Variants in THRAP3 observed in about 807,000 individuals in gnomAD.
The protein encoded by THRAP3 is thyroid hormone receptor-associated protein 3.
Under a neutral mutation model 101.0 loss-of-function variants are expected in THRAP3, and 16 were observed. The ratio of observed to expected loss-of-function variants is 0.16; its 90% CI spans 0.11 to 0.24. The LOEUF is 0.24. Among genes scored for constraint, THRAP3 ranks in the 10% least tolerant of loss-of-function variants. The pLI is 1.00. For synonymous variants in THRAP3, 407 were observed against 422.6 expected (o/e 0.96, Z 0.45); for missense variants, 989 against 1,202.7 (o/e 0.82, Z 2.63).
At chr1:36,288,695 T>C in intron 4 of THRAP3, 1 of 985,490 alleles carries the variant, frequency 1.0e-6, no homozygotes, top group Non-Finnish European at 1.2e-6. Flanking sequence ...AGATTTTAAG[T>C]GACTGAGTGA....
Position 36,243,966 on chromosome 1 carries a change from G to C in THRAP3, c.-134-15416G>C, listed in dbSNP as rs1425826673. 4.1e-5 allele frequency among the ~76,000 whole-genome samples: 5 copies of C among 123,068 alleles called. 1 individual carries two copies. The highest frequency in any genetic ancestry group is 2.6e-4 in the East Asian group (1 of 3,818). The allele number at this position is 123,068 out of a possible 152,430, so 80.7% of individuals were successfully genotyped here. On this transcript the variant is annotated intron_variant, in intron 1 of 11. Coordinates refer to ENST00000354618, the MANE Select transcript of THRAP3 (RefSeq NM_005119.4). ...CTCCCGGATGGGGCGGCTGGCGGGC[G>C]GGGGGCTGAACCCCCCACCTCCCTC...
chr1:36,249,611 A>AT (rs996461087), intron 1 of THRAP3, among the ~76,000 whole-genome samples: 2 of 151,842 alleles, frequency 1.3e-5, no homozygotes, highest in Non-Finnish European at 2.9e-5. Context: ...CTTCTGGAGA[A>AT]TTAGGGGAAG....
intron 5 of THRAP3, among the ~76,000 whole-genome samples, chr1:36,290,846 C>T (rs1645858549): frequency 6.6e-6 from 1 of 152,342 alleles, no homozygotes; most frequent in East Asian, 1.9e-4. Flanking sequence ...CCAAGGCTGA[C>T]TGGTTTTTTA....
intron 1 of THRAP3, among the ~76,000 whole-genome samples, chr1:36,236,882 T>C (rs1645096660): frequency 6.6e-6 from 1 of 152,098 alleles, no homozygotes; most frequent in South Asian, 2.1e-4. Flanking sequence ...GAGTTTCTGT[T>C]CTTTAAAAAC....
intron 1 of THRAP3, among the ~76,000 whole-genome samples, chr1:36,229,386 G>A (rs957360732): frequency 6.7e-6 from 1 of 149,856 alleles, no homozygotes; most frequent in Non-Finnish European, 1.5e-5. Flanking sequence ...GTGAGCCACC[G>A]TGTCTGGTCT....
intron 2 of THRAP3, among the ~76,000 whole-genome samples, chr1:36,260,193 G>A (rs893182564): frequency 6.6e-6 from 1 of 152,158 alleles, no homozygotes; most frequent in African/African-American, 2.4e-5. Flanking sequence ...AGTGAGCCGA[G>A]ATCTTGCCAC....
chr1:36,291,427 G>T lies in THRAP3; in HGVS notation c.1799G>T (p.Ser600Ile). 1 of 1,614,220 alleles carries T rather than the reference G, an allele frequency of 6.2e-7. No homozygotes were observed. The highest frequency in any genetic ancestry group is 8.5e-7 in the Non-Finnish European group (1 of 1,180,048). ...AAGCTTTGCCGAGATCTAGTCCATA[G>T]CAACAAAAAGGAACAGGAGTTTCGT... ...ERKLCRDLVHSNKKEQEFRSI... is the reference protein window; with the variant it reads ...ERKLCRDLVHINKKEQEFRSI... The change falls in exon 6 of 12, where the codon AGC becomes ATC. Residue 600 changes from serine to isoleucine, a missense_variant. Ser to Ile is a moderately radical substitution (Grantham distance 142). Coordinates refer to ENST00000354618, the MANE Select transcript of THRAP3 (RefSeq NM_005119.4).
chr1:36,226,322 C>T (rs1484824873), intron 1 of THRAP3, among the ~76,000 whole-genome samples: 3 of 152,108 alleles, frequency 2.0e-5, no homozygotes, highest in Non-Finnish European at 2.9e-5. Context: ...TGCAGGGGCA[C>T]AATCTCGGCT....
rs541498721 is a variant in THRAP3, at chr1:36,271,878, G to T, written c.-31-10655G>T. Among the ~76,000 whole-genome samples, 188 of 152,028 alleles carry T rather than the reference G, an allele frequency of 1.2e-3. 1 individual carries two copies. Among genetic ancestry groups the T allele is most frequent in the African/African-American group, 4.0e-3 (166 of 41,458 alleles). ...CAAAGTGCTGGGATTACAGGCGTGA[G>T]CCACCGCACCCGGCCTAATTTTTGT... On this transcript the variant is annotated intron_variant, in intron 2 of 11. Coordinates refer to ENST00000354618, the MANE Select transcript of THRAP3 (RefSeq NM_005119.4).
At chr1:36,253,537 A>G (rs1011712773) in intron 1 of THRAP3, among the ~76,000 whole-genome samples, 1 of 152,104 alleles carries the variant, frequency 6.6e-6, no homozygotes, top group Non-Finnish European at 1.5e-5. Flanking sequence ...ATTTATTGTC[A>G]TTAGTATTAT....
intron 1 of THRAP3, among the ~76,000 whole-genome samples, chr1:36,251,854 C>G (rs1045373540): frequency 1.3e-5 from 2 of 152,152 alleles, no homozygotes; most frequent in East Asian, 3.9e-4. Flanking sequence ...TAAGGGACCA[C>G]AGATAGTGAG....
chr1:36,234,614 G>A (rs1040066879), intron 1 of THRAP3, among the ~76,000 whole-genome samples: 1 of 152,106 alleles, frequency 6.6e-6, no homozygotes, highest in African/African-American at 2.4e-5. Flanking sequence ...TCTTGGGTTT[G>A]TTTATTATGA....
In THRAP3 at chr1:36,244,837, C is replaced by G. The variant is rs563170780; in HGVS notation, c.-134-14545C>G. 5.3e-5 allele frequency among the ~76,000 whole-genome samples: 8 copies of G among 152,148 alleles called. No individual in the cohort carries two copies. The South Asian group carries it at 1.7e-3, about 32-fold the overall frequency. ...GGTTCAAGCAATTTTCCTGCCTCAG[C>G]CTCCTGAGTAGCTGGGATTACAGGC... On this transcript the variant is annotated intron_variant, in intron 1 of 11. Coordinates refer to ENST00000354618, the MANE Select transcript of THRAP3 (RefSeq NM_005119.4).
intron 8 of THRAP3, chr1:36,294,325 T>C (rs1391992067): frequency 1.4e-6 from 1 of 706,078 alleles, no homozygotes. Context: ...AAGAGTGAAA[T>C]ATTCATGTCT....
At chr1:36,303,347 C>G (rs1160884885) in intron 11 of THRAP3, among the ~76,000 whole-genome samples, 2 of 151,838 alleles carry the variant, frequency 1.3e-5, no homozygotes, top group African/African-American at 4.8e-5. Context: ...TCAAACCCAC[C>G]CTTTGAGAGA....
chr1:36,212,716 A>G, the THRAP3 span, among the ~76,000 whole-genome samples: 3 of 151,998 alleles, frequency 2.0e-5, no homozygotes, highest in Non-Finnish European at 4.4e-5. Flanking sequence ...CACCACACCC[A>G]GCAGGGACAA....
In THRAP3 at chr1:36,289,320, A is replaced by G. The variant is rs1177185251; in HGVS notation, c.1301A>G (p.Asp434Gly). ...CACAAGGAGGAGATGGATGATCAAGATAAGGACAAAGCTAAGGGAAGAAAG... is the reference window on the plus strand; with the variant it reads ...CACAAGGAGGAGATGGATGATCAAGGTAAGGACAAAGCTAAGGGAAGAAAG... ...DFHKEEMDDQ[D>G]KDKAKGRKES... Residue 434 changes from aspartate (D) to glycine (G), a missense_variant, in exon 5 of 12, where the codon GAT (aspartate) becomes GGT (glycine). Asp to Gly is a moderately conservative substitution (Grantham distance 94). Coordinates refer to ENST00000354618, the MANE Select transcript of THRAP3 (RefSeq NM_005119.4). 2 of 1,614,208 alleles carry G rather than the reference A, an allele frequency of 1.2e-6. No homozygotes were observed. The highest frequency in any genetic ancestry group is 1.7e-6 in the Non-Finnish European group (2 of 1,180,054).
the THRAP3 span, among the ~76,000 whole-genome samples, chr1:36,210,028 A>C: frequency 2.0e-5 from 3 of 152,234 alleles, no homozygotes; most frequent in African/African-American, 7.2e-5. Flanking sequence ...AGTGTGGTCC[A>C]TACACTGGTT....
Position 36,305,116 on chromosome 1 carries a change from G to A in THRAP3, c.*1099G>A, listed in dbSNP as rs1646085183. On this transcript the variant is annotated 3_prime_UTR_variant, in exon 12 of 12. Coordinates refer to ENST00000354618, the MANE Select transcript of THRAP3 (RefSeq NM_005119.4). The stretch of plus-strand genomic sequence containing the variant: ...GGTCCTTGTGCTTGCCTTCTGGGGA[G>A]GCGGTCCTGAGCAGGTGAATCATAA... 4.6e-6 allele frequency: 1 copy of A among 215,254 alleles called. No homozygotes were observed. Among genetic ancestry groups the A allele is most frequent in the Non-Finnish European group, 9.4e-6 (1 of 106,696 alleles). The allele number at this position is 215,254 out of a possible 1,614,324, so 13.3% of individuals were successfully genotyped here. A position where few individuals can be genotyped will look rare whatever the true frequency, so the allele number is the denominator to read the frequency against.
Sources: gnomAD v4.1 joint callset for allele counts (sites outside exome capture counted in the v4.1 genomes callset) on GRCh38, gnomAD v4.1.1 for gene constraint, MANE v1.5 for transcripts, NCBI Gene and HGNC (gene_info 2026-07-23, HGNC 2026-07-21) for gene names.